Variants in SNTG1 observed in about 807,000 individuals in gnomAD.
The protein encoded by SNTG1 is gamma-1-syntrophin.
SNTG1 carries 39 observed loss-of-function variants against 74.7 expected under a neutral mutation model. The observed-to-expected ratio is 0.52, with a 90% CI of 0.40 to 0.68. The LOEUF is 0.68. Among genes scored for constraint, SNTG1 ranks in the 30% least tolerant of loss-of-function variants. The pLI is 0.00. For synonymous variants in SNTG1, 254 were observed against 217.1 expected, an observed-to-expected ratio of 1.17 and a Z score of -1.49; for missense variants, 685 against 609.5, an observed-to-expected ratio of 1.12 and a Z score of -1.30.
At position 50,704,622 on chromosome 8, in the gene SNTG1, G is replaced by A. The variant is rs764804995; in HGVS notation, c.1061G>A (p.Arg354Gln). ...ILKDSDLLDR[R>Q]KQCFTVQSES... Reference sequence around the variant, plus strand: ...CAGGACAGTGACCTGCTGGACCGACGGAAACAGTGCTTCACCGTGCAGTCT... The same window carrying A: ...CAGGACAGTGACCTGCTGGACCGACAGAAACAGTGCTTCACCGTGCAGTCT... The change falls in exon 16 of 19, where the codon CGG becomes CAG. Residue 354 changes from arginine (R) to glutamine (Q), a missense_variant. Coordinates refer to ENST00000642720, the MANE Select transcript of SNTG1 (RefSeq NM_018967.5). 5 of 1,613,968 alleles carry A rather than the reference G, an allele frequency of 3.1e-6. No individual in the cohort carries two copies. The highest frequency in any genetic ancestry group is 4.2e-6 in the Non-Finnish European group (5 of 1,180,018).
intron 1 of SNTG1, among the ~76,000 whole-genome samples, chr8:50,101,690 T>C (rs1047290380): frequency 6.6e-6 from 1 of 152,056 alleles, no homozygotes; most frequent in Non-Finnish European, 1.5e-5. Flanking sequence ...GTATATCTCC[T>C]AATGCTATCC....
intron 1 of SNTG1, among the ~76,000 whole-genome samples, chr8:50,073,475 G>C (rs758171059): frequency 6.6e-6 from 1 of 152,042 alleles, no homozygotes; most frequent in Non-Finnish European, 1.5e-5. Context: ...CATGAGGCTT[G>C]GAATCTACTT....
At chr8:49,989,068 T>C (rs1813439166) in intron 1 of SNTG1, among the ~76,000 whole-genome samples, 1 of 151,948 alleles carries the variant, frequency 6.6e-6, no homozygotes, top group South Asian at 2.1e-4. Flanking sequence ...ACCTGTACCC[T>C]ATAAATATAT....
At chr8:50,662,387 T>C (rs1193280468) in intron 15 of SNTG1, among the ~76,000 whole-genome samples, 5 of 152,190 alleles carry the variant, frequency 3.3e-5, no homozygotes, top group South Asian at 2.1e-4. Flanking sequence ...CTGGTACATA[T>C]AGTTTATATG....
chr8:50,292,116 G>A (rs761580419), intron 2 of SNTG1, among the ~76,000 whole-genome samples: 3 of 152,036 alleles, frequency 2.0e-5, no homozygotes, highest in Non-Finnish European at 4.4e-5. Context: ...CTGAAAATAC[G>A]GTATCCATCA....
At chr8:50,280,286 G>A (rs1238943886) in intron 2 of SNTG1, among the ~76,000 whole-genome samples, 1 of 152,180 alleles carries the variant, frequency 6.6e-6, no homozygotes, top group African/African-American at 2.4e-5. Flanking sequence ...AATAGTTAGA[G>A]CAAAGTAAAA....
At chr8:50,185,307 G>A (rs568853780) in intron 2 of SNTG1, among the ~76,000 whole-genome samples, 1 of 152,274 alleles carries the variant, frequency 6.6e-6, no homozygotes, top group African/African-American at 2.4e-5. Context: ...CCTGTGAAGA[G>A]GTGCCTTCTG....
intron 9 of SNTG1, among the ~76,000 whole-genome samples, chr8:50,518,562 C>A (rs1001617586): frequency 3.3e-5 from 5 of 151,750 alleles, no homozygotes; most frequent in Non-Finnish European, 5.9e-5. Flanking sequence ...ACTATCCAGA[C>A]CAAGAAAGAA....
chr8:50,788,715 C>T (rs1394249438), intron 18 of SNTG1, among the ~76,000 whole-genome samples: 2 of 152,004 alleles, frequency 1.3e-5, no homozygotes, highest in Non-Finnish European at 2.9e-5. Flanking sequence ...ATTCTCAACA[C>T]TTCCTGCTTT....
chr8:50,726,651 C>T (rs935593788), intron 17 of SNTG1, among the ~76,000 whole-genome samples: 9 of 152,134 alleles, frequency 5.9e-5, no homozygotes, highest in Admixed American at 2.6e-4. Flanking sequence ...AGATCGAGAC[C>T]AGCCTGGCTA....
At chr8:50,050,163 G>T (rs950110420) in intron 1 of SNTG1, among the ~76,000 whole-genome samples, 3 of 151,584 alleles carry the variant, frequency 2.0e-5, no homozygotes, top group Admixed American at 6.6e-5. Flanking sequence ...AGCAAAGGCT[G>T]GCTCTTTGAA....
At chr8:49,971,022 G>A (rs994879350) in intron 1 of SNTG1, among the ~76,000 whole-genome samples, 12 of 152,198 alleles carry the variant, frequency 7.9e-5, no homozygotes, top group South Asian at 4.1e-4. Flanking sequence ...CATTTTATGA[G>A]GCCAGCATCA....
In SNTG1 at chr8:50,239,614, T is replaced by A. The variant is rs192928454; in HGVS notation, c.-28+66979T>A. ...TAATATCAAGGGTATCAGAATAATA[T>A]CTGATTTCCCTGCTCCACTTTCTCC... On this transcript the variant is annotated intron_variant, in intron 2 of 18. Coordinates refer to ENST00000642720, the MANE Select transcript of SNTG1 (RefSeq NM_018967.5). 3.3e-5 allele frequency among the ~76,000 whole-genome samples: 5 copies of A among 152,248 alleles called. No individual in the cohort carries two copies. The East Asian group carries it at 9.7e-4, about 29-fold the overall frequency.
chr8:49,973,421 A>T (rs2129994889), intron 1 of SNTG1, among the ~76,000 whole-genome samples: 1 of 152,124 alleles, frequency 6.6e-6, no homozygotes, highest in Non-Finnish European at 1.5e-5. Context: ...TTAAATGACG[A>T]GTTAATGGGT....
intron 17 of SNTG1, among the ~76,000 whole-genome samples, chr8:50,729,483 T>G (rs946310271): frequency 1.3e-5 from 2 of 152,192 alleles, no homozygotes; most frequent in Admixed American, 6.5e-5. Context: ...GAATAGACAC[T>G]TCTAATGTCA....
At chr8:50,276,389 AT>A (rs1291790094) in intron 2 of SNTG1, among the ~76,000 whole-genome samples, 39 of 33,878 alleles carry the variant, frequency 1.2e-3, no homozygotes, top group East Asian at 8.2e-3. Flanking sequence ...ATATATATAT[AT>A]ATATATATAT....
Position 50,402,321 on chromosome 8 carries a change from T to G in SNTG1, c.139T>G (p.Ser47Ala). The change falls in exon 4 of 19, where the codon TCT becomes GCT. Residue 47 changes from serine (S) to alanine (A), a missense_variant. Coordinates refer to ENST00000642720, the MANE Select transcript of SNTG1 (RefSeq NM_018967.5). ...CCAGGAACAGGATGTGATATGTGTG[T>G]CTGGTGAGCCTTTCTATTCTGGTGT... ...MIQEQDVICVSGEPFYSGERT... is the reference protein window; with the variant it reads ...MIQEQDVICVAGEPFYSGERT... 6.2e-7 allele frequency: 1 copy of G among 1,608,418 alleles called. No individual in the cohort carries two copies. Among genetic ancestry groups the G allele is most frequent in the South Asian group, 1.1e-5 (1 of 89,078 alleles).
At chr8:50,673,174 T>G (rs976114896) in intron 15 of SNTG1, among the ~76,000 whole-genome samples, 1 of 152,126 alleles carries the variant, frequency 6.6e-6, no homozygotes. Flanking sequence ...TCCTTTGATT[T>G]CACATGAAAT....
intron 2 of SNTG1, among the ~76,000 whole-genome samples, chr8:50,211,458 T>C (rs758692386): frequency 6.6e-6 from 1 of 152,124 alleles, no homozygotes; most frequent in African/African-American, 2.4e-5. Context: ...ATTGTGCTAG[T>C]TCTTTAATGC....
Sources: gnomAD v4.1 joint callset for allele counts (sites outside exome capture counted in the v4.1 genomes callset) on GRCh38, gnomAD v4.1.1 for gene constraint, MANE v1.5 for transcripts, NCBI Gene and HGNC (gene_info 2026-07-23, HGNC 2026-07-21) for gene names.